ANKAR: variants seen among roughly 807,000 people sequenced by gnomAD.
ANKAR encodes the protein ankyrin and armadillo repeat containing, also known as ankyrin and armadillo repeat-containing protein.
ANKAR carries 136 observed loss-of-function variants against 146.2 expected under a neutral mutation model. The observed-to-expected ratio is 0.93, with a 90% CI of 0.81 to 1.07. The LOEUF is 1.07. Ranked by LOEUF, ANKAR falls within the 50% of genes least tolerant of loss-of-function variation. The pLI, the probability that ANKAR is intolerant of heterozygous loss-of-function variation, is 0.00. For synonymous variants in ANKAR, 500 were observed against 575.8 expected (o/e 0.87, Z 1.88); for missense variants, 1,567 against 1,679.9 (o/e 0.93, Z 1.18).
intron 18 of ANKAR, among the ~76,000 whole-genome samples, chr2:189,751,822 A>G (rs1472103800): frequency 1.3e-4 from 2 of 15,606 alleles, no homozygotes; most frequent in Non-Finnish European, 3.4e-4. Context: ...GTCTTTTACT[A>G]TTCCAGAATT....
At chr2:189,690,419 A>G (rs2036209917) in intron 3 of ANKAR, among the ~76,000 whole-genome samples, 1 of 152,236 alleles carries the variant, frequency 6.6e-6, no homozygotes, top group East Asian at 1.9e-4. Flanking sequence ...GAAACATATT[A>G]AAACTACAGT....
chr2:189,719,737 C>G lies in ANKAR; in HGVS notation c.2390C>G (p.Pro797Arg), dbSNP rs762165744. Residue 797 changes from proline to arginine, a missense_variant, in exon 11 of 23, where the codon CCT (proline) becomes CGT (arginine). Pro to Arg is a moderately radical substitution (Grantham distance 103). Coordinates refer to ENST00000684021, the MANE Select transcript of ANKAR (RefSeq NM_001378068.1). ...SLINLLVCDE[P>R]EVHSRCAVIL... ...ATCAACCTACTGGTTTGTGATGAGCCTGAAGTACACTCTCGCTGTGCTGTC... is the reference window on the plus strand; with the variant it reads ...ATCAACCTACTGGTTTGTGATGAGCGTGAAGTACACTCTCGCTGTGCTGTC... The G allele has an allele frequency of 1.2e-6, 2 of 1,613,590 alleles. No individual in the cohort carries two copies. The highest frequency in any genetic ancestry group is 4.5e-5 in the East Asian group (2 of 44,884).
chr2:189,754,687 TTTTGTTTG>T (rs541427954), intron 18 of ANKAR: 8 of 260,598 alleles, frequency 3.1e-5, no homozygotes, highest in African/African-American at 9.2e-5. Flanking sequence ...GGAAGCAGTG[TTTTGTTTG>T]TTTGTTTGTT....
chr2:189,710,328 C>T (rs2039518777), intron 9 of ANKAR, among the ~76,000 whole-genome samples: 1 of 152,076 alleles, frequency 6.6e-6, no homozygotes, highest in Non-Finnish European at 1.5e-5. Flanking sequence ...TGTATAAAGC[C>T]TCATACCTAA....
chr2:189,749,883 A>G (rs2044849592), downstream of ANKAR, among the ~76,000 whole-genome samples: 1 of 152,186 alleles, frequency 6.6e-6, no homozygotes, highest in South Asian at 2.1e-4. Flanking sequence ...GCATTTTGGG[A>G]GGCTGAGGCA....
chr2:189,684,495 C>G (rs1157063629), intron 2 of ANKAR, among the ~76,000 whole-genome samples: 1 of 152,022 alleles, frequency 6.6e-6, no homozygotes, highest in African/African-American at 2.4e-5. Context: ...TTCTCAGCAC[C>G]TTATACAGTG....
At chr2:189,692,536 A>C in intron 4 of ANKAR, 118 bp downstream of exon 4, 4 of 845,892 alleles carry the variant, frequency 4.7e-6, no homozygotes, top group Non-Finnish European at 7.1e-6. Flanking sequence ...GATTATTCTC[A>C]CAACTCAATA....
At chr2:189,717,975 A>T (rs1484431463) in intron 10 of ANKAR, among the ~76,000 whole-genome samples, 3 of 152,130 alleles carry the variant, frequency 2.0e-5, no homozygotes, top group Non-Finnish European at 4.4e-5. Context: ...ATTAGGAGAA[A>T]CACCTAGTGT....
chr2:189,676,994 A>T lies in ANKAR; in HGVS notation c.504A>T (p.Arg168=). Residue 168 remains arginine (R), a synonymous_variant, in exon 2 of 23, where the codon CGA becomes CGT. Transcript: ENST00000684021. ...GAATATATATGCCCAAAGAAAAACG[A>T]GCTAGATTCTCTGAATTGTGGCGTG... is the stretch of plus-strand genomic sequence containing the variant. ...WHGIYMPKEK[R]ARFSELWRAI... 1 of 1,613,670 alleles carries T rather than the reference A, an allele frequency of 6.2e-7. No homozygotes were observed.
chr2:189,694,347 T>C (rs1166570872), intron 5 of ANKAR, among the ~76,000 whole-genome samples: 1 of 152,132 alleles, frequency 6.6e-6, no homozygotes, highest in African/African-American at 2.4e-5. Context: ...TATTCACCGC[T>C]GAAATCCGGG....
Position 189,689,791 on chromosome 2 carries a change from A to G in ANKAR, c.866A>G (p.Gln289Arg). 6.2e-7 allele frequency: 1 copy of G among 1,608,766 alleles called. No individual in the cohort carries two copies. Among genetic ancestry groups the G allele is most frequent in the Non-Finnish European group, 8.5e-7 (1 of 1,178,042 alleles). The change falls in exon 3 of 23, where the codon CAG (glutamine) becomes CGG (arginine). Residue 289 changes from glutamine to arginine, a missense_variant. By Grantham distance (43) the Gln-to-Arg change is conservative. Transcript: ENST00000684021. The part of the protein sequence containing the change: ...YLDICTYQRL[Q>R]QRLYLQKKII... ...GATATCTGTACCTACCAGAGACTACAGCAAAGATTATATCTTCAAAAAAAG... is the reference window on the plus strand; with the variant it reads ...GATATCTGTACCTACCAGAGACTACGGCAAAGATTATATCTTCAAAAAAAG...
In ANKAR at chr2:189,727,855, G is replaced by A. The variant is rs754790948; in HGVS notation, c.2636-1G>A. 4.3e-6 allele frequency: 7 copies of A among 1,610,848 alleles called. No individual in the cohort carries two copies. Among genetic ancestry groups the A allele is most frequent in the Non-Finnish European group, 5.9e-6 (7 of 1,178,152 alleles). On this transcript the variant is annotated splice_acceptor_variant, in intron 12 of 22. Coordinates refer to ENST00000684021, the MANE Select transcript of ANKAR (RefSeq NM_001378068.1). LOFTEE classifies it high-confidence loss of function. ...TAACTTGTTCTTAAATTCATTTGAA[G>A]ATGTGTTGAAGGCTGTATCTTCTGC...
intron 18 of ANKAR, among the ~76,000 whole-genome samples, chr2:189,753,436 G>T (rs2045597200): frequency 6.6e-6 from 1 of 151,990 alleles, no homozygotes; most frequent in Admixed American, 6.6e-5. Context: ...TGTTTGTCAA[G>T]GCTTTTAAGC....
At position 189,728,258 on chromosome 2, in the gene ANKAR, T is replaced by C; in HGVS notation, c.2878-9T>C. ...GTTCACTGAATTAATGAAATATTTT[T>C]AAAAATAGGCATTTCAAATAGATGT... On this transcript the variant is annotated splice_polypyrimidine_tract_variant and intron_variant, in intron 13 of 22. Transcript: ENST00000684021. 2 of 1,581,368 alleles carry C rather than the reference T, an allele frequency of 1.3e-6. No homozygotes were observed. Among genetic ancestry groups the C allele is most frequent in the Non-Finnish European group, 1.7e-6 (2 of 1,169,860 alleles).
chr2:189,702,213 A>G (rs903299543), intron 7 of ANKAR, among the ~76,000 whole-genome samples: 1 of 152,214 alleles, frequency 6.6e-6, no homozygotes, highest in Non-Finnish European at 1.5e-5. Context: ...GGTCTTGTTA[A>G]GAACAGAATG....
At chr2:189,761,196 A>G, downstream of ANKAR, 1 of 366,928 alleles carries the variant, frequency 2.7e-6, no homozygotes, top group Non-Finnish European at 4.8e-6. Flanking sequence ...GCTGGGAATG[A>G]GCTCAGTTTC....
chr2:189,755,634 G>A (rs16831964), intron 18 of ANKAR: 3 of 1,468,946 alleles, frequency 2.0e-6, no homozygotes, highest in Non-Finnish European at 2.7e-6. Context: ...ACAGCTAAAA[G>A]CATGTCTTCA....
At chr2:189,757,302 G>C (rs994823515) in intron 18 of ANKAR, among the ~76,000 whole-genome samples, 4 of 152,194 alleles carry the variant, frequency 2.6e-5, no homozygotes, top group Non-Finnish European at 4.4e-5. Flanking sequence ...TGGTGAGGGA[G>C]AAGTCAAGGG....
rs774414264 is a variant in ANKAR, at chr2:189,719,723, G to T, written c.2376G>T (p.Leu792=). ...AGGIPSLINL[L]VCDEPEVHSR... The stretch of plus-strand genomic sequence containing the variant: ...GCATTCCATCTCTAATCAACCTACT[G>T]GTTTGTGATGAGCCTGAAGTACACT... Residue 792 remains leucine, a synonymous_variant, in exon 11 of 23, where the codon CTG becomes CTT. Coordinates refer to ENST00000684021, the MANE Select transcript of ANKAR (RefSeq NM_001378068.1). 1 of 1,613,972 alleles carries T rather than the reference G, an allele frequency of 6.2e-7. No homozygotes were observed. The highest frequency in any genetic ancestry group is 8.5e-7 in the Non-Finnish European group (1 of 1,179,900).
Sources: gnomAD v4.1 joint callset for allele counts (sites outside exome capture counted in the v4.1 genomes callset) on GRCh38, gnomAD v4.1.1 for gene constraint, MANE v1.5 for transcripts, NCBI Gene and HGNC (gene_info 2026-07-23, HGNC 2026-07-21) for gene names.